BAZ2B: variants seen among roughly 807,000 people sequenced by gnomAD.
BAZ2B encodes bromodomain adjacent to zinc finger domain 2B.
A neutral mutation model predicts 246.0 loss-of-function variants in BAZ2B; 91 were observed. The observed-to-expected ratio is 0.37, with a 90% CI of 0.31 to 0.44. BAZ2B has a LOEUF of 0.44. Among genes scored for constraint, BAZ2B ranks in the 20% least tolerant of loss-of-function variants. The pLI is 1.00. For synonymous variants in BAZ2B, 855 were observed against 860.0 expected (o/e 0.99, Z 0.10); for missense variants, 2,332 against 2,533.7 (o/e 0.92, Z 1.71).
intron 3 of BAZ2B, chr2:159,462,161 T>G: frequency 3.1e-6 from 1 of 326,250 alleles, no homozygotes; most frequent in East Asian, 7.1e-5. Flanking sequence ...GTGGCAGAAT[T>G]AAAAAAAAAA....
At chr2:159,317,888 G>A (rs778306594), downstream of BAZ2B, among the ~76,000 whole-genome samples, 1 of 152,078 alleles carries the variant, frequency 6.6e-6, no homozygotes, top group Non-Finnish European at 1.5e-5. Context: ...ACTGTCATGT[G>A]CTCCAACCGC....
chr2:159,655,531 C>T, the BAZ2B span, among the ~76,000 whole-genome samples: 27 of 152,200 alleles, frequency 1.8e-4, no homozygotes, highest in South Asian at 5.6e-3. Flanking sequence ...ATTTGTTGAG[C>T]TTCTTGAATC....
intron 1 of BAZ2B, among the ~76,000 whole-genome samples, chr2:159,601,077 A>G (rs1692015232): frequency 6.6e-6 from 1 of 152,210 alleles, no homozygotes; most frequent in Admixed American, 6.5e-5. Context: ...TCACATATAG[A>G]ACAACAGCAA....
At chr2:159,630,312 G>C in the BAZ2B span, among the ~76,000 whole-genome samples, 10 of 152,000 alleles carry the variant, frequency 6.6e-5, no homozygotes, top group Non-Finnish European at 4.4e-5. Context: ...AAGAGAGTGA[G>C]ACTGCATCTC....
At chr2:159,524,090 G>A (rs1281129909) in intron 2 of BAZ2B, among the ~76,000 whole-genome samples, 1 of 152,092 alleles carries the variant, frequency 6.6e-6, no homozygotes, top group Non-Finnish European at 1.5e-5. Context: ...ATTCAGCAGA[G>A]GAGGCCTTTC....
chr2:159,706,052 C>T, the BAZ2B span, among the ~76,000 whole-genome samples: 1 of 130,976 alleles, frequency 7.6e-6, no homozygotes, highest in African/African-American at 2.5e-5. Flanking sequence ...TAAAAAAACT[C>T]CATCAATACC....
intron 1 of BAZ2B, among the ~76,000 whole-genome samples, chr2:159,562,050 T>C (rs2089928653): frequency 1.3e-5 from 2 of 152,230 alleles, no homozygotes; most frequent in Admixed American, 6.5e-5. Flanking sequence ...TGTTTTCTCA[T>C]GTACTATTAT....
intron 31 of BAZ2B, among the ~76,000 whole-genome samples, chr2:159,343,819 G>A (rs76627816): frequency 0.038 from 5,768 of 152,006 alleles, 200 homozygotes; most frequent in East Asian, 0.13. Flanking sequence ...AAGGTCAGGA[G>A]ATCAAGACCA....
chr2:159,501,078 T>C (rs2081651943), intron 2 of BAZ2B, among the ~76,000 whole-genome samples: 1 of 137,484 alleles, frequency 7.3e-6, no homozygotes, highest in Non-Finnish European at 1.5e-5. Flanking sequence ...AAGATCAGCC[T>C]GGGCAACATG....
chr2:159,609,476 G>C (rs923019055), intron 1 of BAZ2B, among the ~76,000 whole-genome samples: 1 of 152,144 alleles, frequency 6.6e-6, no homozygotes, highest in Non-Finnish European at 1.5e-5. Context: ...TACTGTTAAT[G>C]TTGTTTCCCA....
intron 1 of BAZ2B, among the ~76,000 whole-genome samples, chr2:159,581,959 AC>A (rs1686908647): frequency 6.6e-6 from 1 of 151,380 alleles, no homozygotes; most frequent in Non-Finnish European, 1.5e-5. Context: ...TAGGAGATAT[AC>A]CTAATGTAAA....
chr2:159,655,486 C>G, the BAZ2B span, among the ~76,000 whole-genome samples: 1 of 152,112 alleles, frequency 6.6e-6, no homozygotes, highest in South Asian at 2.1e-4. Flanking sequence ...GATAATGTTT[C>G]CAGGTGTGGT....
At chr2:159,579,722 G>A (rs538858209) in intron 1 of BAZ2B, among the ~76,000 whole-genome samples, 22 of 152,166 alleles carry the variant, frequency 1.4e-4, no homozygotes, top group East Asian at 7.7e-4. Context: ...TATCCAACAC[G>A]ATCACATTGG....
chr2:159,474,961 C>A (rs536651296), intron 3 of BAZ2B, among the ~76,000 whole-genome samples: 4 of 152,038 alleles, frequency 2.6e-5, no homozygotes, highest in Non-Finnish European at 5.9e-5. Flanking sequence ...GTGGGTAACC[C>A]GACCTTTCTC....
At chr2:159,676,200 AT>A in the BAZ2B span, among the ~76,000 whole-genome samples, 130,228 of 149,806 alleles carry the variant, frequency 0.87, 57,033 homozygotes, top group Middle Eastern at 0.94. Context: ...GCCTAGGCTA[AT>A]TTTTTTTTTT....
Position 159,350,333 on chromosome 2 carries a change from C to T in BAZ2B, c.4238G>A (p.Arg1413Lys), listed in dbSNP as rs781010150. 1 of 1,560,280 alleles carries T rather than the reference C, an allele frequency of 6.4e-7. No individual in the cohort carries two copies. Among genetic ancestry groups the T allele is most frequent in the South Asian group, 1.2e-5 (1 of 82,452 alleles). The change falls in exon 28 of 37, where the codon AGA becomes AAA. Residue 1413 changes from arginine to lysine, a missense_variant. Arg to Lys is a conservative substitution (Grantham distance 26). This residue lies in a region of BAZ2B where 676 missense variants were observed against 668.6 expected (regional missense o/e 1.01). Coordinates refer to ENST00000392783, the MANE Select transcript of BAZ2B (RefSeq NM_013450.4). The part of the protein sequence containing the change: ...GEGLEEIAKE[R>K]EKLKKAESVQ... ...ACTTTCTGCCTTTTTCAGTTTTTCT[C>T]TTTCTTTTGCAATTTCTTCTAGTCC...
chr2:159,640,890 T>A, the BAZ2B span, among the ~76,000 whole-genome samples: 2 of 141,310 alleles, frequency 1.4e-5, no homozygotes, highest in African/African-American at 5.2e-5. Flanking sequence ...AAAGAAATAA[T>A]AAAGCTCAGA....
chr2:159,611,589 T>C (rs1056158530), intron 1 of BAZ2B, among the ~76,000 whole-genome samples: 46 of 151,976 alleles, frequency 3.0e-4, no homozygotes, highest in Non-Finnish European at 5.6e-4. Flanking sequence ...AAATTTATAT[T>C]GTAGAGGAAG....
At chr2:159,593,975 T>G (rs1157555707) in intron 1 of BAZ2B, among the ~76,000 whole-genome samples, 2 of 152,240 alleles carry the variant, frequency 1.3e-5, no homozygotes, top group Non-Finnish European at 2.9e-5. Flanking sequence ...AAGTGTACAA[T>G]TAGCTGGCAT....
Sources: allele counts gnomAD v4.1 joint callset (sites outside exome capture counted in the v4.1 genomes callset), GRCh38; gene constraint gnomAD v4.1.1; regional missense constraint gnomAD v4.1.1; transcripts MANE v1.5; gene names NCBI Gene and HGNC (gene_info 2026-07-23, HGNC 2026-07-21).